Variants in JPH1 observed in about 807,000 individuals in gnomAD.
The protein encoded by JPH1 is junctophilin-1.
JPH1 carries 12 observed loss-of-function variants against 53.6 expected under a neutral mutation model. The ratio of observed to expected loss-of-function variants is 0.22; its 90% confidence interval spans 0.14 to 0.36. The LOEUF is 0.36. JPH1 is among the 10% of genes least tolerant of loss of function. JPH1 has a pLI of 1.00. For synonymous variants in JPH1, 375 were observed against 363.8 expected (o/e 1.03, Z -0.35); for missense variants, 808 against 905.5 (o/e 0.89, Z 1.38).
At chr8:74,249,893 G>A (rs1805988630) in intron 3 of JPH1, among the ~76,000 whole-genome samples, 1 of 152,172 alleles carries the variant, frequency 6.6e-6, no homozygotes, top group South Asian at 2.1e-4. Flanking sequence ...TTGATGCACT[G>A]TGTGTATGAG....
In JPH1 at chr8:74,244,716, G is replaced by A. The variant is rs1346138452; in HGVS notation, c.1718C>T (p.Ser573Phe). 6.2e-7 allele frequency: 1 copy of A among 1,614,144 alleles called. No individual in the cohort carries two copies. Among genetic ancestry groups the A allele is most frequent in the Admixed American group, 1.7e-5 (1 of 60,018 alleles). The change falls in exon 4 of 6, where the codon TCC becomes TTC. Residue 573 changes from serine to phenylalanine, a missense_variant. Physicochemically the swap from Ser to Phe is radical, Grantham distance 155. Transcript: ENST00000342232. ...PPVDVEDGDG[S>F]SQSSSALVHK... Reference sequence around the variant, plus strand: ...CACCAGTGCTGAGGAAGACTGGCTGGATCCATCGCCGTCCTCCACGTCTAC... The same window carrying A: ...CACCAGTGCTGAGGAAGACTGGCTGAATCCATCGCCGTCCTCCACGTCTAC...
At chr8:74,291,551 T>C (rs1339550256) in intron 2 of JPH1, among the ~76,000 whole-genome samples, 2 of 152,212 alleles carry the variant, frequency 1.3e-5, no homozygotes, top group African/African-American at 4.8e-5. Flanking sequence ...AGTTCAACCA[T>C]TGTGGAAGTC....
chr8:74,287,625 AAT>A, intron 2 of JPH1, among the ~76,000 whole-genome samples: 6 of 152,010 alleles, frequency 3.9e-5, no homozygotes, highest in Non-Finnish European at 8.8e-5. Flanking sequence ...AAGGTCACTA[AAT>A]TGCATTAGTT....
chr8:74,266,672 G>A (rs1419892312), intron 2 of JPH1, among the ~76,000 whole-genome samples: 1 of 151,988 alleles, frequency 6.6e-6, no homozygotes, highest in Non-Finnish European at 1.5e-5. Flanking sequence ...TGGTCAAGAT[G>A]GTAAATTTTA....
intron 4 of JPH1, among the ~76,000 whole-genome samples, chr8:74,242,026 C>T (rs562013917): frequency 4.6e-5 from 7 of 152,288 alleles, no homozygotes; most frequent in East Asian, 1.9e-4. Flanking sequence ...TGAGTCCATA[C>T]GCAACCATTG....
chr8:74,306,932 AT>A (rs1371426841), intron 2 of JPH1, among the ~76,000 whole-genome samples: 3 of 152,108 alleles, frequency 2.0e-5, no homozygotes, highest in African/African-American at 7.2e-5. Context: ...TAAGACCTTT[AT>A]TATCCTACGT....
At chr8:74,261,354 T>C (rs1806390938) in intron 2 of JPH1, among the ~76,000 whole-genome samples, 1 of 152,146 alleles carries the variant, frequency 6.6e-6, no homozygotes, top group Admixed American at 6.5e-5. Flanking sequence ...AGAGGAGGTG[T>C]ATGGGAACTT....
intron 2 of JPH1, among the ~76,000 whole-genome samples, chr8:74,302,682 C>A (rs538496936): frequency 1.3e-5 from 2 of 152,196 alleles, no homozygotes; most frequent in African/African-American, 4.8e-5. Context: ...CAGGAAAGTG[C>A]CTGTGACAAG....
chr8:74,263,051 A>G (rs999938390), intron 2 of JPH1, among the ~76,000 whole-genome samples: 9 of 152,228 alleles, frequency 5.9e-5, no homozygotes, highest in Admixed American at 6.5e-5. Context: ...TCTTAAACAT[A>G]TAAGGCTTTA....
intron 2 of JPH1, among the ~76,000 whole-genome samples, chr8:74,262,368 T>C (rs967078824): frequency 6.6e-6 from 1 of 152,168 alleles, no homozygotes; most frequent in Admixed American, 6.5e-5. Flanking sequence ...ACACGACCCC[T>C]GTAATCAGTC....
Position 74,237,001 on chromosome 8 carries a change from T to G in JPH1, c.*50A>C, listed in dbSNP as rs1807019281. ...GGCTGACGGCACCACTGCAGAGAACTGTGGGCTAACACACCACTAGTTGTC... is the reference window on the plus strand; with the variant it reads ...GGCTGACGGCACCACTGCAGAGAACGGTGGGCTAACACACCACTAGTTGTC... On this transcript the variant is annotated 3_prime_UTR_variant, in exon 6 of 6. Transcript: ENST00000342232. The G allele has an allele frequency of 2.0e-6, 1 of 487,838 alleles. No homozygotes were observed. Among genetic ancestry groups the G allele is most frequent in the Non-Finnish European group, 3.7e-6 (1 of 272,484 alleles). The allele number at this position is 487,838 out of a possible 1,614,324, so 30.2% of individuals were successfully genotyped here.
At chr8:74,283,874 A>G (rs1807084221) in intron 2 of JPH1, among the ~76,000 whole-genome samples, 1 of 152,242 alleles carries the variant, frequency 6.6e-6, no homozygotes, top group Non-Finnish European at 1.5e-5. Context: ...ATAGACTGGC[A>G]GAATATAAAC....
chr8:74,252,236 G>C (rs1243770251), intron 3 of JPH1, among the ~76,000 whole-genome samples: 2 of 152,108 alleles, frequency 1.3e-5, no homozygotes, highest in African/African-American at 2.4e-5. Context: ...AAAACCTAGG[G>C]AATACCACTC....
intron 1 of JPH1, among the ~76,000 whole-genome samples, chr8:74,317,673 T>C (rs1356298296): frequency 6.6e-6 from 1 of 152,210 alleles, no homozygotes; most frequent in Non-Finnish European, 1.5e-5. Context: ...CTCCTAACTT[T>C]TGTCTATAGT....
chr8:74,241,001 C>A (rs1385709478), intron 4 of JPH1, among the ~76,000 whole-genome samples: 2 of 152,166 alleles, frequency 1.3e-5, no homozygotes, highest in African/African-American at 4.8e-5. Flanking sequence ...AATCCAGATT[C>A]AATGAATAGT....
intron 2 of JPH1, among the ~76,000 whole-genome samples, chr8:74,290,075 C>T (rs550217802): frequency 1.4e-4 from 21 of 152,142 alleles, no homozygotes; most frequent in African/African-American, 2.2e-4. Context: ...AGCATTCCCT[C>T]TGAAAACTGG....
At chr8:74,280,983 A>G (rs2131419156) in intron 2 of JPH1, among the ~76,000 whole-genome samples, 1 of 152,322 alleles carries the variant, frequency 6.6e-6, no homozygotes, top group Middle Eastern at 3.4e-3. Context: ...ACACACCAAT[A>G]AACAGCAGAA....
Position 74,235,819 on chromosome 8 carries a change from A to C in JPH1, c.*1232T>G, listed in dbSNP as rs1410694130. 1 of 152,506 alleles carries C rather than the reference A, an allele frequency of 6.6e-6. No individual in the cohort carries two copies. Among genetic ancestry groups the C allele is most frequent in the Non-Finnish European group, 1.5e-5 (1 of 68,040 alleles). 9.4% of individuals were successfully genotyped at this position (152,506 alleles called of 1,614,324 possible). On this transcript the variant is annotated 3_prime_UTR_variant, in exon 6 of 6. Coordinates refer to ENST00000342232, the MANE Select transcript of JPH1 (RefSeq NM_020647.4). ...AAATGAAATTACAAAAGGACTTTGAAAAACAGGAAAGGCAGAAAACTGAGA... is the reference window on the plus strand; with the variant it reads ...AAATGAAATTACAAAAGGACTTTGACAAACAGGAAAGGCAGAAAACTGAGA...
intron 2 of JPH1, among the ~76,000 whole-genome samples, chr8:74,312,095 C>G (rs912956226): frequency 6.6e-6 from 1 of 152,052 alleles, no homozygotes; most frequent in Non-Finnish European, 1.5e-5. Flanking sequence ...TATATAATAG[C>G]AAGGAATCTG....
Sources: allele counts gnomAD v4.1 joint callset (sites outside exome capture counted in the v4.1 genomes callset), GRCh38; gene constraint gnomAD v4.1.1; transcripts MANE v1.5; gene names NCBI Gene and HGNC (gene_info 2026-07-23, HGNC 2026-07-21).